Variants in SUGCT observed in about 807,000 individuals in gnomAD.
SUGCT encodes the protein succinyl-CoA:glutarate-CoA transferase.
A neutral mutation model predicts 55.0 loss-of-function variants in SUGCT; 41 were observed. The ratio of observed to expected loss-of-function variants is 0.74; its 90% CI spans 0.58 to 0.97. The LOEUF (loss-of-function observed/expected upper bound fraction) is 0.97. Among genes scored for constraint, SUGCT ranks in the 50% least tolerant of loss-of-function variants. SUGCT has a pLI of 0.00. For synonymous variants in SUGCT, 187 were observed against 200.4 expected (o/e 0.93, Z 0.56); for missense variants, 568 against 547.8 (o/e 1.04, Z -0.37).
intron 11 of SUGCT, among the ~76,000 whole-genome samples, chr7:40,492,735 G>A (rs1791757757): frequency 6.6e-6 from 1 of 152,068 alleles, no homozygotes; most frequent in Non-Finnish European, 1.5e-5. Context: ...CGTTGTTTTT[G>A]AACGCTTTCC....
intron 7 of SUGCT, among the ~76,000 whole-genome samples, chr7:40,266,493 G>A (rs567671666): frequency 6.6e-6 from 1 of 151,968 alleles, no homozygotes; most frequent in African/African-American, 2.4e-5. Flanking sequence ...AAGTAGTAGA[G>A]TGCCTATACT....
At chr7:40,229,010 T>C (rs1000527839) in intron 6 of SUGCT, among the ~76,000 whole-genome samples, 3 of 152,332 alleles carry the variant, frequency 2.0e-5, no homozygotes, top group Non-Finnish European at 4.4e-5. Context: ...TAATTTTTGA[T>C]AGCTTCCTTG....
chr7:40,245,628 A>T (rs532107298), intron 7 of SUGCT, among the ~76,000 whole-genome samples: 80 of 148,564 alleles, frequency 5.4e-4, no homozygotes, highest in Non-Finnish European at 9.4e-4. Context: ...TTTAGTAGAG[A>T]CAGGGTTTCA....
chr7:40,680,572 A>G (rs1742340570), intron 12 of SUGCT, among the ~76,000 whole-genome samples: 1 of 152,160 alleles, frequency 6.6e-6, no homozygotes, highest in African/African-American at 2.4e-5. Flanking sequence ...AAAGGTAATT[A>G]TACTCTACTC....
intron 6 of SUGCT, among the ~76,000 whole-genome samples, chr7:40,222,580 C>T (rs563188718): frequency 9.2e-5 from 14 of 152,108 alleles, no homozygotes; most frequent in African/African-American, 1.9e-4. Context: ...AGACTGGGCG[C>T]GGTGTAATCC....
chr7:40,141,488 G>T (rs1787978862), intron 1 of SUGCT, among the ~76,000 whole-genome samples: 1 of 151,974 alleles, frequency 6.6e-6, no homozygotes, highest in Non-Finnish European at 1.5e-5. Flanking sequence ...CAAAAAAATA[G>T]TCAGGCGTGG....
the SUGCT span, among the ~76,000 whole-genome samples, chr7:41,011,684 A>G: frequency 6.6e-6 from 1 of 152,262 alleles, no homozygotes; most frequent in Non-Finnish European, 1.5e-5. Context: ...TTAGAGAATT[A>G]TAATCCCACA....
intron 7 of SUGCT, among the ~76,000 whole-genome samples, chr7:40,238,665 A>G (rs1205494781): frequency 2.9e-5 from 4 of 138,356 alleles, no homozygotes; most frequent in Non-Finnish European, 4.7e-5. Context: ...TAATTAATTA[A>G]TTATTTTCCT....
At chr7:40,230,392 T>C (rs1788649861) in intron 6 of SUGCT, among the ~76,000 whole-genome samples, 2 of 152,250 alleles carry the variant, frequency 1.3e-5, no homozygotes, top group African/African-American at 4.8e-5. Context: ...GCTAAGGAAC[T>C]GTTATTTTTA....
downstream of SUGCT, among the ~76,000 whole-genome samples, chr7:40,864,879 A>C (rs1794553127): frequency 6.6e-6 from 1 of 152,164 alleles, no homozygotes; most frequent in African/African-American, 2.4e-5. Flanking sequence ...GCCAGATATC[A>C]GAATTTACTC....
At chr7:40,169,571 A>G (rs930863325) in intron 1 of SUGCT, among the ~76,000 whole-genome samples, 4 of 152,122 alleles carry the variant, frequency 2.6e-5, no homozygotes, top group African/African-American at 9.7e-5. Context: ...CCCTTGACAT[A>G]ATAGACATGG....
chr7:40,855,168 T>G (rs187382718), intron 13 of SUGCT, among the ~76,000 whole-genome samples: 16 of 152,062 alleles, frequency 1.1e-4, no homozygotes, highest in Admixed American at 7.2e-4. Flanking sequence ...AAGATGTAAA[T>G]CTTTTTTCCA....
At chr7:40,994,754 G>A in the SUGCT span, among the ~76,000 whole-genome samples, 2 of 152,152 alleles carry the variant, frequency 1.3e-5, no homozygotes, top group Non-Finnish European at 2.9e-5. Context: ...TTATGGGAGT[G>A]ATCTCTTATG....
chr7:40,404,509 C>T (rs1264106376), intron 9 of SUGCT, among the ~76,000 whole-genome samples: 1 of 151,914 alleles, frequency 6.6e-6, no homozygotes, highest in Non-Finnish European at 1.5e-5. Flanking sequence ...ACGATCTCGG[C>T]TAACTGCAAC....
chr7:41,023,388 C>A, the SUGCT span, among the ~76,000 whole-genome samples: 1 of 151,602 alleles, frequency 6.6e-6, no homozygotes, highest in Non-Finnish European at 1.5e-5. Context: ...GGAAAGCATT[C>A]ATCAAAAGAA....
chr7:41,030,650 A>C, the SUGCT span, among the ~76,000 whole-genome samples: 2 of 152,118 alleles, frequency 1.3e-5, no homozygotes, highest in Admixed American at 1.3e-4. Context: ...AGGATTTCCC[A>C]CACCACCCCA....
chr7:40,734,163 T>A (rs1247991029), intron 12 of SUGCT, among the ~76,000 whole-genome samples: 1 of 152,222 alleles, frequency 6.6e-6, no homozygotes, highest in African/African-American at 2.4e-5. Context: ...CATCTTACTA[T>A]ACCTAATTTT....
chr7:40,144,549 T>C (rs12530776), intron 1 of SUGCT, among the ~76,000 whole-genome samples: 58,976 of 151,902 alleles, frequency 0.39, 12,907 homozygotes, highest in Middle Eastern at 0.59. Flanking sequence ...GAGTTTTCCT[T>C]CTTTCCACCC....
intron 9 of SUGCT, among the ~76,000 whole-genome samples, chr7:40,397,646 G>A (rs1300611392): frequency 6.6e-6 from 1 of 152,052 alleles, no homozygotes; most frequent in Non-Finnish European, 1.5e-5. Flanking sequence ...TTTAATAAGG[G>A]GATTGTACCT....
Sources: gnomAD v4.1 joint callset for allele counts (sites outside exome capture counted in the v4.1 genomes callset) on GRCh38, gnomAD v4.1.1 for gene constraint, MANE v1.5 for transcripts, NCBI Gene and HGNC (gene_info 2026-07-23, HGNC 2026-07-21) for gene names.